TRABD2B: variants seen among roughly 807,000 people sequenced by gnomAD.
TRABD2B encodes TraB domain containing 2B.
In TRABD2B, 14 loss-of-function variants were observed where a neutral mutation model predicts 40.1. The observed-to-expected ratio is 0.35, with a 90% CI of 0.23 to 0.55. The LOEUF is 0.55. Ranked by LOEUF, TRABD2B falls within the 20% of genes least tolerant of loss-of-function variation. The pLI, the probability that TRABD2B is intolerant of heterozygous loss-of-function variation, is 0.90. For missense variants in TRABD2B, 541 were observed against 648.6 expected, an observed-to-expected ratio of 0.83 and a Z score of 1.80; for synonymous variants, 263 against 277.0, an observed-to-expected ratio of 0.95 and a Z score of 0.50.
Position 47,789,517 on chromosome 1 carries a change from C to T in TRABD2B, c.988+5069G>A, listed in dbSNP as rs1392194191. 2.0e-5 allele frequency among the ~76,000 whole-genome samples: 3 copies of T among 152,220 alleles called. No homozygotes were observed. The East Asian group carries it at 5.8e-4, about 29-fold the overall frequency. On this transcript the variant is annotated intron_variant, in intron 4 of 6. Transcript: ENST00000606738. ...AATCATAATGGCCCATGGGAGGAAA[C>T]ATCTTTAACTTCTTGTCCTGGTCAG...
chr1:47,934,585 A>C (rs537530468), intron 2 of TRABD2B, among the ~76,000 whole-genome samples: 11 of 152,268 alleles, frequency 7.2e-5, no homozygotes, highest in African/African-American at 2.4e-4. Flanking sequence ...TGCTGTTGTA[A>C]TTTATTGTTT....
chr1:47,925,179 T>C (rs1044013251), intron 2 of TRABD2B, among the ~76,000 whole-genome samples: 8 of 152,180 alleles, frequency 5.3e-5, no homozygotes, highest in Admixed American at 1.3e-4. Flanking sequence ...TCCTTCTTGT[T>C]ACTCTCCCTC....
intron 2 of TRABD2B, among the ~76,000 whole-genome samples, chr1:47,806,110 A>G (rs755712977): frequency 6.6e-6 from 1 of 152,238 alleles, no homozygotes; most frequent in Non-Finnish European, 1.5e-5. Context: ...GGTTCTCACA[A>G]CCAGGACTTC....
chr1:47,846,896 A>ACACACACGC (rs1557610238), intron 2 of TRABD2B, among the ~76,000 whole-genome samples: 1 of 148,358 alleles, frequency 6.7e-6, no homozygotes, highest in Non-Finnish European at 1.5e-5. Flanking sequence ...ACACACACAC[A>ACACACACGC]AATGAGGGCT....
chr1:47,856,362 A>G (rs1416781603), intron 2 of TRABD2B, among the ~76,000 whole-genome samples: 1 of 152,242 alleles, frequency 6.6e-6, no homozygotes, highest in Non-Finnish European at 1.5e-5. Flanking sequence ...CTCAGTAAAT[A>G]TTAGTGAGTG....
At chr1:47,777,817 T>A (rs7520681) in intron 5 of TRABD2B, among the ~76,000 whole-genome samples, 1 of 151,974 alleles carries the variant, frequency 6.6e-6, no homozygotes, top group East Asian at 1.9e-4. Context: ...ACCTCTCATG[T>A]CTGGCCTGGT....
At chr1:47,881,993 AG>A (rs142769112) in intron 2 of TRABD2B, among the ~76,000 whole-genome samples, 327 of 152,170 alleles carry the variant, frequency 2.1e-3, no homozygotes, top group African/African-American at 7.7e-3. Flanking sequence ...CTGTGGGGAG[AG>A]GGTGACTGCA....
At position 47,793,058 on chromosome 1, in the gene TRABD2B, G is replaced by A. The variant is rs931759108; in HGVS notation, c.988+1528C>T. On this transcript the variant is annotated intron_variant, in intron 4 of 6. Transcript: ENST00000606738. Reference sequence around the variant, plus strand: ...ACCGAGCTCCCAGCAGGTGCCCTGCGGCTGGAGAGTGGCTTACCCTCTCCA... The same window carrying A: ...ACCGAGCTCCCAGCAGGTGCCCTGCAGCTGGAGAGTGGCTTACCCTCTCCA... Among the ~76,000 whole-genome samples the A allele has an allele frequency of 1.1e-4, 17 of 152,116 alleles. No homozygotes were observed. In the East Asian group the frequency reaches 1.6e-3, roughly 14 times the overall value.
intron 2 of TRABD2B, among the ~76,000 whole-genome samples, chr1:47,887,242 A>G (rs944477958): frequency 6.6e-6 from 1 of 152,204 alleles, no homozygotes; most frequent in African/African-American, 2.4e-5. Flanking sequence ...GCAACATAGC[A>G]ACTGAGGCTC....
At chr1:47,927,163 T>A (rs1248936913) in intron 2 of TRABD2B, among the ~76,000 whole-genome samples, 3 of 151,780 alleles carry the variant, frequency 2.0e-5, no homozygotes, top group Non-Finnish European at 2.9e-5. Context: ...CCTGCATGAG[T>A]GAAGGTGAGG....
rs1237385910 is a variant in TRABD2B, at chr1:47,762,339, A to C, written c.*3563T>G. 1 of 152,112 alleles carries C rather than the reference A, an allele frequency of 6.6e-6. No homozygotes were observed. The highest frequency in any genetic ancestry group is 1.9e-4 in the East Asian group (1 of 5,180). 9.4% of individuals were successfully genotyped at this position (152,112 alleles called of 1,614,324 possible). On this transcript the variant is annotated 3_prime_UTR_variant, in exon 7 of 7. Transcript: ENST00000606738. ...GTTCTTATCTCACAGTCACTGAAAA[A>C]CTATCACCAGCCCCAATTCTGCTGT...
chr1:47,977,131 G>A (rs1409563089), intron 2 of TRABD2B, among the ~76,000 whole-genome samples: 1 of 150,900 alleles, frequency 6.6e-6, no homozygotes, highest in Non-Finnish European at 1.5e-5. Flanking sequence ...GGAGTGCAGT[G>A]GTGCGATCTT....
intron 2 of TRABD2B, among the ~76,000 whole-genome samples, chr1:47,991,511 A>G (rs551596459): frequency 1.2e-4 from 19 of 152,334 alleles, no homozygotes; most frequent in East Asian, 3.9e-4. Context: ...AAACCTAACA[A>G]TAGACCTGAT....
intron 2 of TRABD2B, among the ~76,000 whole-genome samples, chr1:47,878,510 A>T (rs944213035): frequency 6.6e-6 from 1 of 152,224 alleles, no homozygotes; most frequent in Non-Finnish European, 1.5e-5. Flanking sequence ...ATAGCGAGTG[A>T]AAAAGCAAGT....
chr1:47,864,360 C>T (rs1570153907), intron 2 of TRABD2B, among the ~76,000 whole-genome samples: 1 of 151,924 alleles, frequency 6.6e-6, no homozygotes, highest in Non-Finnish European at 1.5e-5. Context: ...AATGAACCAC[C>T]CTGGTGGGAG....
At chr1:47,874,703 G>A (rs1161824876) in intron 2 of TRABD2B, among the ~76,000 whole-genome samples, 2 of 151,680 alleles carry the variant, frequency 1.3e-5, no homozygotes, top group Non-Finnish European at 2.9e-5. Context: ...GAGTAGTTGG[G>A]ACGACCGACA....
intron 3 of TRABD2B, among the ~76,000 whole-genome samples, chr1:47,798,337 C>T (rs1225358618): frequency 6.6e-6 from 1 of 152,194 alleles, no homozygotes; most frequent in Non-Finnish European, 1.5e-5. Context: ...TCAAAATTAT[C>T]TGGGTTTGGA....
intron 2 of TRABD2B, among the ~76,000 whole-genome samples, chr1:47,911,656 CT>C (rs913251907): frequency 2.6e-5 from 4 of 152,222 alleles, no homozygotes; most frequent in African/African-American, 7.2e-5. Context: ...TTGCGAGCCC[CT>C]TGTGTCCCCT....
Position 47,763,215 on chromosome 1 carries a change from T to C in TRABD2B, c.*2687A>G, listed in dbSNP as rs1051890866. 3 of 152,338 alleles carry C rather than the reference T, an allele frequency of 2.0e-5. No individual in the cohort carries two copies. In the South Asian group the frequency reaches 6.2e-4, roughly 32 times the overall value. 9.4% of individuals were successfully genotyped at this position (152,338 alleles called of 1,614,324 possible). A position where few individuals can be genotyped will look rare whatever the true frequency, so the allele number is the denominator to read the frequency against. On this transcript the variant is annotated 3_prime_UTR_variant, in exon 7 of 7. Coordinates refer to ENST00000606738, the MANE Select transcript of TRABD2B (RefSeq NM_001194986.2). The stretch of plus-strand genomic sequence containing the variant: ...TCCTGCATATGTGCCTCAAGTCTTT[T>C]GGGTCATAAGTCAGCAAGTTGAGTT...
Sources: gnomAD v4.1 joint callset for allele counts (sites outside exome capture counted in the v4.1 genomes callset) on GRCh38, gnomAD v4.1.1 for gene constraint, MANE v1.5 for transcripts, NCBI Gene and HGNC (gene_info 2026-07-23, HGNC 2026-07-21) for gene names.